Variants in AKAP13 observed in about 807,000 individuals in gnomAD.
AKAP13 encodes A-kinase anchor protein 13.
A neutral mutation model predicts 264.5 loss-of-function variants in AKAP13; 80 were observed. The observed-to-expected ratio is 0.30, with a 90% CI of 0.25 to 0.36. The LOEUF (loss-of-function observed/expected upper bound fraction) is 0.36, where lower values mean the gene tolerates loss of function less well. AKAP13 is among the 10% of genes least tolerant of loss of function. The pLI is 1.00. For missense variants in AKAP13, 3,712 were observed against 3,435.2 expected (o/e 1.08, Z -2.01); for synonymous variants, 1,380 against 1,250.2 (o/e 1.10, Z -2.19).
intron 2 of AKAP13, among the ~76,000 whole-genome samples, chr15:85,507,121 G>A (rs1465852388): frequency 6.6e-6 from 1 of 152,030 alleles, no homozygotes; most frequent in East Asian, 1.9e-4. Context: ...TCTATTTATA[G>A]CACCTGTTAT....
intron 1 of AKAP13, among the ~76,000 whole-genome samples, chr15:85,435,492 G>A (rs1473267951): frequency 1.3e-5 from 1 of 79,754 alleles, no homozygotes. Flanking sequence ...CTCGAGAAGA[G>A]CAACTCCAAG....
chr15:85,561,579 T>G (rs1368080751), intron 5 of AKAP13, among the ~76,000 whole-genome samples: 1 of 152,242 alleles, frequency 6.6e-6, no homozygotes, highest in East Asian at 1.9e-4. Flanking sequence ...TGATTTAACT[T>G]TAATTTTTAC....
intron 1 of AKAP13, among the ~76,000 whole-genome samples, chr15:85,438,375 G>GA (rs1389129537): frequency 1.3e-5 from 2 of 151,336 alleles, no homozygotes; most frequent in Admixed American, 1.3e-4. Flanking sequence ...TCAATATCGT[G>GA]AAAATGGCCA....
At chr15:85,640,286 T>G (rs569300284) in intron 9 of AKAP13, among the ~76,000 whole-genome samples, 1 of 152,306 alleles carries the variant, frequency 6.6e-6, no homozygotes, top group South Asian at 2.1e-4. Flanking sequence ...CATTCTGAGT[T>G]TTTTTAGTCT....
intron 16 of AKAP13, among the ~76,000 whole-genome samples, chr15:85,687,996 C>T (rs1053293464): frequency 1.4e-5 from 2 of 146,996 alleles, no homozygotes; most frequent in African/African-American, 5.1e-5. Context: ...GCTGTGTGCA[C>T]TCCAGCCTGG....
At chr15:85,671,227 G>A (rs1443512041) in intron 14 of AKAP13, among the ~76,000 whole-genome samples, 1 of 151,946 alleles carries the variant, frequency 6.6e-6, no homozygotes, top group Non-Finnish European at 1.5e-5. Flanking sequence ...CTCACTTCAT[G>A]ACTTACTGGA....
chr15:85,672,670 G>A (rs1305189668), intron 14 of AKAP13, among the ~76,000 whole-genome samples: 5 of 152,168 alleles, frequency 3.3e-5, no homozygotes, highest in East Asian at 1.9e-4. Flanking sequence ...CTTAGTAGCT[G>A]TATTACTTTG....
intron 1 of AKAP13, among the ~76,000 whole-genome samples, chr15:85,403,219 G>A (rs7164379): frequency 0.087 from 13,162 of 152,158 alleles, 759 homozygotes; most frequent in East Asian, 0.3. Flanking sequence ...TCTAAAATAG[G>A]TGATGCTAAA....
chr15:85,511,292 G>T (rs4291869), intron 2 of AKAP13, among the ~76,000 whole-genome samples: 1 of 151,844 alleles, frequency 6.6e-6, no homozygotes, highest in Non-Finnish European at 1.5e-5. Context: ...TGGAACACCA[G>T]CGTCTAGTCA....
intron 1 of AKAP13, among the ~76,000 whole-genome samples, chr15:85,431,326 T>C (rs188983225): frequency 1.3e-5 from 2 of 152,356 alleles, no homozygotes; most frequent in East Asian, 3.9e-4. Context: ...CTGAACTCTT[T>C]ACATTCATAC....
At chr15:85,478,374 A>G (rs1297926683) in intron 1 of AKAP13, among the ~76,000 whole-genome samples, 1 of 152,206 alleles carries the variant, frequency 6.6e-6, no homozygotes, top group African/African-American at 2.4e-5. Context: ...AAATGATTAT[A>G]AGGATGTCAG....
At position 85,399,509 on chromosome 15, in the gene AKAP13, A is replaced by AAAAAAAAAAAT. The variant is rs1376218177; in HGVS notation, c.-12+18721_-12+18722insTAAAAAAAAAA. Among the ~76,000 whole-genome samples the AAAAAAAAAAAT allele has an allele frequency of 3.3e-4, 21 of 63,358 alleles. 1 individual carries two copies. The highest frequency in any genetic ancestry group is 1.1e-3 in the Admixed American group (7 of 6,570). The allele number at this position is 63,358 out of a possible 152,430, so 41.6% of individuals were successfully genotyped here. A position where few individuals can be genotyped will look rare whatever the true frequency, so the allele number is the denominator to read the frequency against. On this transcript the variant is annotated intron_variant, in intron 1 of 36. Coordinates refer to ENST00000394518, the MANE Select transcript of AKAP13 (RefSeq NM_007200.5). ...CAGAGCGAGACTCCGTCTCAAAAAA[A>AAAAAAAAAAAT]AAAAAAAAAAAAATAAAAAAATAAA...
At chr15:85,500,041 A>G (rs1464151826) in intron 2 of AKAP13, among the ~76,000 whole-genome samples, 1 of 152,148 alleles carries the variant, frequency 6.6e-6, no homozygotes, top group Non-Finnish European at 1.5e-5. Context: ...GGATGATTAT[A>G]AATGTCTGAT....
At chr15:85,607,465 T>G (rs754339022) in intron 8 of AKAP13, among the ~76,000 whole-genome samples, 2 of 152,240 alleles carry the variant, frequency 1.3e-5, no homozygotes, top group African/African-American at 4.8e-5. Flanking sequence ...CTCACACCTT[T>G]TTTTTTAACC....
At chr15:85,595,792 G>A (rs1259223924) in intron 8 of AKAP13, among the ~76,000 whole-genome samples, 1 of 152,174 alleles carries the variant, frequency 6.6e-6, no homozygotes, top group East Asian at 1.9e-4. Flanking sequence ...ACATCAGTTT[G>A]CAAGGTAACT....
chr15:85,559,606 A>C (rs2078284715), intron 5 of AKAP13, among the ~76,000 whole-genome samples: 2 of 152,200 alleles, frequency 1.3e-5, no homozygotes, highest in African/African-American at 4.8e-5. Flanking sequence ...AGACAGTGAC[A>C]GATCATCAAA....
rs142768971 is a variant in AKAP13, at chr15:85,506,561, A to G, written c.34-14867A>G. Among the ~76,000 whole-genome samples, 763 of 152,044 alleles carry G rather than the reference A, an allele frequency of 5.0e-3. 1 individual carries two copies. The highest frequency in any genetic ancestry group is 0.037 in the Middle Eastern group (11 of 294). On this transcript the variant is annotated intron_variant, in intron 2 of 36. Coordinates refer to ENST00000394518, the MANE Select transcript of AKAP13 (RefSeq NM_007200.5). ...TAATGTATTAAATAGACATACATGA[A>G]TAAATACGTGTCAGAAAGTAAATGA...
In AKAP13 at chr15:85,645,802, A is replaced by G. The variant is rs1222859915; in HGVS notation, c.4238-16A>G. On this transcript the variant is annotated splice_polypyrimidine_tract_variant and intron_variant, in intron 9 of 36. Coordinates refer to ENST00000394518, the MANE Select transcript of AKAP13 (RefSeq NM_007200.5). The stretch of plus-strand genomic sequence containing the variant: ...TTTTTTTTTTTCAATATTGGTGAAT[A>G]AATTCTCTTTTTCAGAATGTGAGAA... 6.4e-7 allele frequency: 1 copy of G among 1,560,182 alleles called. No homozygotes were observed. The highest frequency in any genetic ancestry group is 8.6e-7 in the Non-Finnish European group (1 of 1,160,650).
At chr15:85,567,971 TGTGTGTG>T (rs2078668482) in intron 5 of AKAP13, among the ~76,000 whole-genome samples, 1 of 151,504 alleles carries the variant, frequency 6.6e-6, no homozygotes, top group Non-Finnish European at 1.5e-5. Flanking sequence ...TGTGTGTGTG[TGTGTGTG>T]TGTATTTTTT....
Sources: gnomAD v4.1 joint callset for allele counts (sites outside exome capture counted in the v4.1 genomes callset) on GRCh38, gnomAD v4.1.1 for gene constraint, MANE v1.5 for transcripts, NCBI Gene and HGNC (gene_info 2026-07-23, HGNC 2026-07-21) for gene names.